The following ACAP2 variants were observed in gnomAD, a reference collection of about 807,000 sequenced individuals.
The protein encoded by ACAP2 is ArfGAP with coiled-coil, ankyrin repeat and PH domains 2, also known as arf-GAP with coiled-coil, ANK repeat and PH domain-containing protein 2.
ACAP2 carries 39 observed loss-of-function variants against 115.8 expected under a neutral mutation model. The ratio of observed to expected loss-of-function variants is 0.34; its 90% CI spans 0.26 to 0.44. ACAP2 has a LOEUF of 0.44. ACAP2 is among the 20% of genes least tolerant of loss of function. ACAP2 has a pLI of 1.00. For synonymous variants in ACAP2, 289 were observed against 315.8 expected, an observed-to-expected ratio of 0.92 and a Z score of 0.90; for missense variants, 662 against 927.6, an observed-to-expected ratio of 0.71 and a Z score of 3.72.
chr3:195,356,969 T>C (rs1281668368), intron 4 of ACAP2, among the ~76,000 whole-genome samples: 1 of 151,778 alleles, frequency 6.6e-6, no homozygotes, highest in Non-Finnish European at 1.5e-5. Flanking sequence ...AAGGGGATTT[T>C]GTCTTGCAGA....
chr3:195,306,561 C>T lies in ACAP2; in HGVS notation c.1066G>A (p.Val356Ile). ...EKLRQAWIKA[V>I]QTSIATAYRE... ...TAAGCAGTAGCAATACTGGTCTGAACAGCCTTAATCCATGCCTGGCGCAGC... is the reference window on the plus strand; with the variant it reads ...TAAGCAGTAGCAATACTGGTCTGAATAGCCTTAATCCATGCCTGGCGCAGC... Residue 356 changes from valine to isoleucine, a missense_variant, in exon 13 of 23, where the codon GTT becomes ATT. Physicochemically the swap from Val to Ile is conservative, Grantham distance 29. Coordinates refer to ENST00000326793, the MANE Select transcript of ACAP2 (RefSeq NM_012287.6). The T allele has an allele frequency of 6.2e-7, 1 of 1,613,320 alleles. No individual in the cohort carries two copies. The highest frequency in any genetic ancestry group is 8.5e-7 in the Non-Finnish European group (1 of 1,179,684).
intron 22 of ACAP2, chr3:195,282,285 T>C (rs1230750138): frequency 6.6e-6 from 1 of 152,228 alleles, no homozygotes; most frequent in Non-Finnish European, 1.5e-5. Flanking sequence ...AATGCTTCCT[T>C]GAATGAAAGT....
In ACAP2 at chr3:195,276,762, C is replaced by A. The variant is rs1325799295; in HGVS notation, c.*2566G>T. 1 of 152,182 alleles carries A rather than the reference C, an allele frequency of 6.6e-6. No individual in the cohort carries two copies. The highest frequency in any genetic ancestry group is 6.5e-5 in the Admixed American group (1 of 15,272). The allele number at this position is 152,182 out of a possible 1,614,324, so 9.4% of individuals were successfully genotyped here. ...CTATTAGTTGACATGGCTAAATTCA[C>A]CTAAGAGCCAACCTACCTTGTAACT... is the stretch of plus-strand genomic sequence containing the variant. On this transcript the variant is annotated 3_prime_UTR_variant, in exon 23 of 23. Transcript: ENST00000326793.
intron 15 of ACAP2, 33 bp downstream of exon 15, chr3:195,301,542 T>C (rs747331357): frequency 1.4e-6 from 2 of 1,466,676 alleles, no homozygotes; most frequent in Non-Finnish European, 1.9e-6. Context: ...CATGTGAAAA[T>C]ATGAAATATT....
chr3:195,297,990 AAC>A (rs1015037699), intron 15 of ACAP2, among the ~76,000 whole-genome samples: 2 of 151,956 alleles, frequency 1.3e-5, no homozygotes, highest in African/African-American at 4.9e-5. Flanking sequence ...CACAAAAACA[AAC>A]AGTTTTCCCA....
chr3:195,416,057 C>T (rs960217095), intron 1 of ACAP2, among the ~76,000 whole-genome samples: 1 of 152,150 alleles, frequency 6.6e-6, no homozygotes, highest in East Asian at 1.9e-4. Flanking sequence ...TGAAAAGATG[C>T]TCAATGTCAG....
intron 2 of ACAP2, among the ~76,000 whole-genome samples, chr3:195,383,756 G>T (rs141703399): frequency 6.6e-6 from 1 of 151,738 alleles, no homozygotes; most frequent in Non-Finnish European, 1.5e-5. Flanking sequence ...ACAAGTTTCC[G>T]TACCATAAAA....
At chr3:195,402,919 G>C (rs1712435840) in intron 1 of ACAP2, among the ~76,000 whole-genome samples, 1 of 152,108 alleles carries the variant, frequency 6.6e-6, no homozygotes, top group African/African-American at 2.4e-5. Context: ...AATAAACAAT[G>C]ATCCTTACCA....
rs958739763 is a variant in ACAP2 at position 195,433,007 on chromosome 3, A to G, written c.53+9788T>C. Among the ~76,000 whole-genome samples the G allele has an allele frequency of 2.6e-5, 4 of 152,218 alleles. No homozygotes were observed. In the East Asian group the frequency reaches 5.8e-4, roughly 22 times the overall value. On this transcript the variant is annotated intron_variant, in intron 1 of 22. Transcript: ENST00000326793. ...TACATCCTAGCTGAACTTACTAGTTATAACTGATTTTTGTGGATTCCTTAG... is the reference window on the plus strand; with the variant it reads ...TACATCCTAGCTGAACTTACTAGTTGTAACTGATTTTTGTGGATTCCTTAG...
chr3:195,341,958 C>A (rs187771572), intron 6 of ACAP2, among the ~76,000 whole-genome samples: 39 of 152,030 alleles, frequency 2.6e-4, no homozygotes, highest in Admixed American at 2.2e-3. Context: ...CAGGGGCATA[C>A]AGAGTGGTGT....
In ACAP2 at chr3:195,365,656, C is replaced by T. The variant is rs115132803; in HGVS notation, c.285+15353G>A. ...ATGACATAATCATTCCTGTCCTTTC[C>T]GGAATCTATAGAAAAGGGCAAGGCT... On this transcript the variant is annotated intron_variant, in intron 4 of 22. Coordinates refer to ENST00000326793, the MANE Select transcript of ACAP2 (RefSeq NM_012287.6). Among the ~76,000 whole-genome samples, 1,067 of 152,042 alleles carry T rather than the reference C, an allele frequency of 7.0e-3. 13 individuals are homozygous for T. Among genetic ancestry groups the T allele is most frequent in the Middle Eastern group, 0.051 (15 of 294 alleles).
intron 4 of ACAP2, among the ~76,000 whole-genome samples, chr3:195,361,848 T>C (rs898936818): frequency 2.0e-5 from 3 of 152,078 alleles, no homozygotes; most frequent in African/African-American, 7.2e-5. Context: ...TTATAACCCA[T>C]ACTGCAGAAA....
chr3:195,438,854 G>A (rs920200773), intron 1 of ACAP2, among the ~76,000 whole-genome samples: 3 of 152,230 alleles, frequency 2.0e-5, no homozygotes, highest in African/African-American at 7.2e-5. Context: ...GAGGTCAGGA[G>A]TTCGAGACCA....
rs1726332098 is a variant in ACAP2, at chr3:195,279,285, TA to T, written c.*42del. 7.3e-7 allele frequency: 1 copy of T among 1,377,664 alleles called. No individual in the cohort carries two copies. The highest frequency in any genetic ancestry group is 1.4e-5 in the African/African-American group (1 of 69,036). 85.3% of individuals were successfully genotyped at this position (1,377,664 alleles called of 1,614,324 possible). On this transcript the variant is annotated 3_prime_UTR_variant, in exon 23 of 23. Transcript: ENST00000326793. ...ATTGTGATTTTTTAGCTGTATACAT[TA>T]GGGGGTCACCAGATTTCATATTTTC... is the stretch of plus-strand genomic sequence containing the variant.
At chr3:195,369,209 C>A (rs550843503) in intron 4 of ACAP2, among the ~76,000 whole-genome samples, 1 of 151,758 alleles carries the variant, frequency 6.6e-6, no homozygotes, top group Admixed American at 6.6e-5. Flanking sequence ...TCTGATCATA[C>A]GTAATATTTA....
intron 12 of ACAP2, chr3:195,306,836 C>A: frequency 5.3e-6 from 2 of 380,578 alleles, no homozygotes; most frequent in African/African-American, 2.2e-5. Context: ...AAACAAATAA[C>A]CCATCACTGA....
chr3:195,372,337 C>G (rs772407248), intron 4 of ACAP2, among the ~76,000 whole-genome samples: 5 of 152,138 alleles, frequency 3.3e-5, no homozygotes, highest in Non-Finnish European at 7.4e-5. Flanking sequence ...GCTACTCTAT[C>G]AAAACTTTTT....
chr3:195,395,633 TG>T (rs1413618857), intron 1 of ACAP2, among the ~76,000 whole-genome samples: 1 of 152,222 alleles, frequency 6.6e-6, no homozygotes, highest in Non-Finnish European at 1.5e-5. Context: ...CACGCCATGA[TG>T]GCGTAGTTGA....
At position 195,279,364 on chromosome 3, in the gene ACAP2, T is replaced by C. The variant is rs777875130; in HGVS notation, c.2301A>G (p.Lys767=). Residue 767 remains lysine, a synonymous_variant, in exon 23 of 23, where the codon AAA becomes AAG. Coordinates refer to ENST00000326793, the MANE Select transcript of ACAP2 (RefSeq NM_012287.6). The part of the protein sequence containing the change: ...FSQMASNNPE[K]LNRFQQDSQK... ...GTGAATCTTGCTGGAAACGATTTAG[T>C]TTCTCTGGATTATTGGATGCCATTT... 12 of 1,605,156 alleles carry C rather than the reference T, an allele frequency of 7.5e-6. No homozygotes were observed. The East Asian group carries it at 2.7e-4, about 36-fold the overall frequency.
Sources: allele counts gnomAD v4.1 joint callset (sites outside exome capture counted in the v4.1 genomes callset), GRCh38; gene constraint gnomAD v4.1.1; transcripts MANE v1.5; gene names NCBI Gene and HGNC (gene_info 2026-07-23, HGNC 2026-07-21).